FBXL2: variants seen among roughly 807,000 people sequenced by gnomAD.
FBXL2 encodes the protein F-box/LRR-repeat protein 2.
Under a neutral mutation model 69.2 loss-of-function variants are expected in FBXL2, and 38 were observed. That is an observed-to-expected ratio of 0.55 (90% CI 0.42 to 0.72). The LOEUF is 0.72. Ranked by LOEUF, FBXL2 falls within the 30% of genes least tolerant of loss-of-function variation. FBXL2 has a pLI of 0.00. For synonymous variants in FBXL2, 192 were observed against 201.3 expected, an observed-to-expected ratio of 0.95 and a Z score of 0.39; for missense variants, 354 against 520.3, an observed-to-expected ratio of 0.68 and a Z score of 3.11.
intron 13 of FBXL2, among the ~76,000 whole-genome samples, chr3:33,380,058 C>A (rs1216304394): frequency 6.6e-6 from 1 of 151,666 alleles, no homozygotes; most frequent in East Asian, 1.9e-4. Flanking sequence ...TGGTGAAACC[C>A]CATCTCTACT....
intron 3 of FBXL2, 100 bp from the exon 4 acceptor site, chr3:33,359,183 A>T: frequency 9.3e-7 from 1 of 1,074,010 alleles, no homozygotes; most frequent in Admixed American, 2.4e-5. Context: ...CATCAAAAAT[A>T]GGAGTTTGGA....
chr3:33,359,371 G>A lies in FBXL2; in HGVS notation c.195+14G>A. On this transcript the variant is annotated intron_variant, in intron 4 of 14. Coordinates refer to ENST00000484457, the MANE Select transcript of FBXL2 (RefSeq NM_012157.5). The stretch of plus-strand genomic sequence containing the variant: ...ACAGATGTAGAGGTAAGTTAGCTTT[G>A]GTTTAGACAAAAAACTTTTTAAAAA... 6.3e-7 allele frequency: 1 copy of A among 1,599,346 alleles called. No homozygotes were observed. Among genetic ancestry groups the A allele is most frequent in the Admixed American group, 1.7e-5 (1 of 58,512 alleles).
intron 10 of FBXL2, among the ~76,000 whole-genome samples, chr3:33,375,833 C>T (rs2042597921): frequency 6.6e-6 from 1 of 152,112 alleles, no homozygotes; most frequent in South Asian, 2.1e-4. Flanking sequence ...TACTTAGCTT[C>T]TTCCCCAGTA....
At position 33,373,197 on chromosome 3, in the gene FBXL2, C is replaced by T. The variant is rs2042407008; in HGVS notation, c.359+37C>T. Reference sequence around the variant, plus strand: ...AGATTAATTGGTGACCAAATAGCCACGGGGAGAGAGAAGGGAGAGAAACGT... The same window carrying T: ...AGATTAATTGGTGACCAAATAGCCATGGGGAGAGAGAAGGGAGAGAAACGT... On this transcript the variant is annotated intron_variant, in intron 6 of 14. Transcript: ENST00000484457. 2.5e-6 allele frequency: 4 copies of T among 1,610,422 alleles called. No individual in the cohort carries two copies. In the South Asian group the frequency reaches 4.4e-5, roughly 18 times the overall value.
the FBXL2 span, among the ~76,000 whole-genome samples, chr3:33,413,743 G>C: frequency 1.3e-5 from 2 of 151,964 alleles, no homozygotes; most frequent in African/African-American, 4.8e-5. Flanking sequence ...CATTTATAGG[G>C]CTCAGTGGCT....
chr3:33,373,386 A>G, intron 7 of FBXL2, 31 bp downstream of exon 7: 1 of 1,565,214 alleles, frequency 6.4e-7, no homozygotes, highest in Non-Finnish European at 8.8e-7. Context: ...TGTCAAGAGA[A>G]ATACCCAAAG....
intron 2 of FBXL2, among the ~76,000 whole-genome samples, chr3:33,320,508 G>A (rs1174727300): frequency 4.6e-5 from 7 of 150,588 alleles, no homozygotes; most frequent in Non-Finnish European, 1.0e-4. Flanking sequence ...TTTAGACGGA[G>A]TCTTGCTATG....
rs368799564 is a variant in FBXL2 at position 33,277,566 on chromosome 3, G to C, written c.3+51G>C. On this transcript the variant is annotated intron_variant, in intron 1 of 14. Coordinates refer to ENST00000484457, the MANE Select transcript of FBXL2 (RefSeq NM_012157.5). ...AGCTGCCCCGCCCTACCCCTACCGG[G>C]CTGGGTCCGCACGCCGCCGCCCGCT... 9.1e-4 allele frequency: 1,140 copies of C among 1,256,660 alleles called. 13 individuals are homozygous for C. In the African/African-American group the frequency reaches 0.013, roughly 14 times the overall value. The allele number at this position is 1,256,660 out of a possible 1,614,324, so 77.8% of individuals were successfully genotyped here.
chr3:33,367,717 C>G (rs2042045467), intron 5 of FBXL2, among the ~76,000 whole-genome samples: 1 of 151,900 alleles, frequency 6.6e-6, no homozygotes, highest in African/African-American at 2.4e-5. Flanking sequence ...TATTTCCACT[C>G]TGATCTTTAT....
downstream of FBXL2, among the ~76,000 whole-genome samples, chr3:33,408,117 GT>G (rs950022490): frequency 6.8e-5 from 10 of 147,744 alleles, no homozygotes; most frequent in South Asian, 2.1e-4. Context: ...TCCCATCAGA[GT>G]TTTTTTTTTT....
chr3:33,316,308 C>G (rs1252618603), intron 2 of FBXL2, among the ~76,000 whole-genome samples: 1 of 152,064 alleles, frequency 6.6e-6, no homozygotes, highest in African/African-American at 2.4e-5. Context: ...ATCCACCCAC[C>G]TCAGCCTCCC....
intron 12 of FBXL2, chr3:33,396,953 G>A: frequency 3.4e-6 from 4 of 1,191,774 alleles, no homozygotes; most frequent in East Asian, 4.9e-5. Context: ...AGGCACACAC[G>A]CCAACCTAGC....
chr3:33,345,185 CT>C (rs2040343639), intron 2 of FBXL2, among the ~76,000 whole-genome samples: 1 of 152,222 alleles, frequency 6.6e-6, no homozygotes, highest in African/African-American at 2.4e-5. Context: ...GTTATGCCCC[CT>C]CTGAAGGCTC....
At chr3:33,328,208 C>G (rs1024611370) in intron 2 of FBXL2, among the ~76,000 whole-genome samples, 3 of 151,786 alleles carry the variant, frequency 2.0e-5, no homozygotes, top group Non-Finnish European at 4.4e-5. Flanking sequence ...AAGTGGACAC[C>G]AAAAAATGGA....
chr3:33,380,136 A>G (rs980161657), intron 13 of FBXL2, among the ~76,000 whole-genome samples: 1 of 151,596 alleles, frequency 6.6e-6, no homozygotes, highest in Non-Finnish European at 1.5e-5. Context: ...GAGACAGGGG[A>G]ACTGCTTGAA....
intron 2 of FBXL2, among the ~76,000 whole-genome samples, chr3:33,322,117 G>A (rs4678889): frequency 0.11 from 12,944 of 118,610 alleles, 654 homozygotes; most frequent in Admixed American, 0.16. Context: ...TCACTCTGTC[G>A]CCTAGACTGG....
downstream of FBXL2, chr3:33,390,909 T>TA (rs200535929): frequency 7.2e-3 from 1,048 of 146,166 alleles, 44 homozygotes; most frequent in East Asian, 0.13. Context: ...CGACAAAGTT[T>TA]AAAAAAAAAA....
intron 2 of FBXL2, among the ~76,000 whole-genome samples, chr3:33,298,716 AAAG>A (rs2035977475): frequency 1.3e-5 from 2 of 151,596 alleles, no homozygotes. Flanking sequence ...AAAAAAAAAA[AAAG>A]CTTATTTTTG....
At chr3:33,298,696 C>G (rs867976823) in intron 2 of FBXL2, among the ~76,000 whole-genome samples, 17 of 47,284 alleles carry the variant, frequency 3.6e-4, no homozygotes, top group African/African-American at 1.3e-3. Context: ...AACTCTGTCT[C>G]AAAAAAAAAA....
Sources: gnomAD v4.1 joint callset for allele counts (sites outside exome capture counted in the v4.1 genomes callset) on GRCh38, gnomAD v4.1.1 for gene constraint, MANE v1.5 for transcripts, NCBI Gene and HGNC (gene_info 2026-07-23, HGNC 2026-07-21) for gene names.